The following NFYC variants were observed in gnomAD, a reference collection of about 807,000 sequenced individuals.
NFYC encodes the protein CAAT box DNA-binding protein subunit C.
Under a neutral mutation model 53.1 loss-of-function variants are expected in NFYC, and 25 were observed. The ratio of observed to expected loss-of-function variants is 0.47; its 90% CI spans 0.34 to 0.66. The LOEUF is 0.66. Ranked by LOEUF, NFYC falls within the 30% of genes least tolerant of loss-of-function variation. The probability of loss-of-function intolerance (pLI) is 0.01; values close to 1 mark genes in which losing one functional copy is unlikely to be tolerated. For missense variants in NFYC, 260 were observed against 422.7 expected, an observed-to-expected ratio of 0.62 and a Z score of 3.38; for synonymous variants, 145 against 152.6, an observed-to-expected ratio of 0.95 and a Z score of 0.37.
At chr1:40,750,725 GAAAAT>G (rs1444262824) in intron 4 of NFYC, among the ~76,000 whole-genome samples, 1 of 152,054 alleles carries the variant, frequency 6.6e-6, no homozygotes, top group Non-Finnish European at 1.5e-5. Context: ...ATTCAGATTA[GAAAAT>G]AAAATAGGCA....
At position 40,727,602 on chromosome 1, in the gene NFYC, C is replaced by T. The variant is rs187160614; in HGVS notation, c.-8-11234C>T. ...CTGGAGTGCAGTGGCACGATTTCGGCTCACTGCAACCTCCGCCTCCCAGAT... is the reference window on the plus strand; with the variant it reads ...CTGGAGTGCAGTGGCACGATTTCGGTTCACTGCAACCTCCGCCTCCCAGAT... On this transcript the variant is annotated intron_variant, in intron 1 of 9. Coordinates refer to ENST00000447388, the MANE Select transcript of NFYC (RefSeq NM_014223.5). Among the ~76,000 whole-genome samples the T allele has an allele frequency of 9.0e-3, 1,344 of 150,112 alleles. 9 individuals are homozygous for T. Among genetic ancestry groups the T allele is most frequent in the Middle Eastern group, 0.035 (10 of 282 alleles).
intron 1 of NFYC, among the ~76,000 whole-genome samples, chr1:40,706,868 G>A (rs957356717): frequency 3.9e-5 from 6 of 152,036 alleles, no homozygotes; most frequent in Non-Finnish European, 5.9e-5. Context: ...GCTCTGCTGT[G>A]CTTATTCTTA....
intron 1 of NFYC, among the ~76,000 whole-genome samples, chr1:40,726,825 G>T (rs2361648): frequency 0.22 from 32,763 of 152,190 alleles, 4,159 homozygotes; most frequent in South Asian, 0.41. Flanking sequence ...ATTTTACCCA[G>T]AGTAGAGCTT....
In NFYC at chr1:40,770,263, C is replaced by A; in HGVS notation, c.889-446C>A. 1.1e-6 allele frequency: 1 copy of A among 886,936 alleles called. No homozygotes were observed. The highest frequency in any genetic ancestry group is 1.7e-6 in the Non-Finnish European group (1 of 594,298). The allele number at this position is 886,936 out of a possible 1,614,324, so 54.9% of individuals were successfully genotyped here. On this transcript the variant is annotated intron_variant, in intron 9 of 9. Transcript: ENST00000447388. This position sits in a 1 kb window ranked among gnomAD's most constrained non-coding sequence, Gnocchi z 5.3. ...AAATTCAGTTTAGTTTCAACCTGAGCCAGATATTCTGAGAAAAGAAGGAGA... is the reference window on the plus strand; with the variant it reads ...AAATTCAGTTTAGTTTCAACCTGAGACAGATATTCTGAGAAAAGAAGGAGA...
intron 5 of NFYC, chr1:40,754,504 C>T (rs12403977): frequency 2.0e-6 from 1 of 501,390 alleles, no homozygotes; most frequent in Non-Finnish European, 4.1e-6. Context: ...CCCACAGGCT[C>T]AATTCCTCCT....
chr1:40,710,018 A>C (rs142217853), intron 1 of NFYC, among the ~76,000 whole-genome samples: 15 of 152,310 alleles, frequency 9.8e-5, no homozygotes, highest in African/African-American at 3.6e-4. Flanking sequence ...TCAGATATGG[A>C]AGCAACACTG....
chr1:40,739,920 T>G (rs964957850), intron 2 of NFYC, among the ~76,000 whole-genome samples: 1 of 152,172 alleles, frequency 6.6e-6, no homozygotes, highest in Non-Finnish European at 1.5e-5. Flanking sequence ...AGAGAGGACC[T>G]TGTAGTTAGG....
chr1:40,699,053 A>G (rs1283917214), intron 1 of NFYC, among the ~76,000 whole-genome samples: 1 of 151,818 alleles, frequency 6.6e-6, no homozygotes, highest in Non-Finnish European at 1.5e-5. Context: ...AACCCCAGCT[A>G]CTCGGGAGGC....
chr1:40,742,406 C>G (rs1400456449), intron 2 of NFYC, among the ~76,000 whole-genome samples: 3 of 152,156 alleles, frequency 2.0e-5, no homozygotes, highest in Non-Finnish European at 2.9e-5. Flanking sequence ...ACTTGGTTTA[C>G]AAGTTTGATT....
chr1:40,737,862 G>A (rs1645124167), intron 1 of NFYC, among the ~76,000 whole-genome samples: 1 of 151,310 alleles, frequency 6.6e-6, no homozygotes, highest in Non-Finnish European at 1.5e-5. Flanking sequence ...CAGGATCACA[G>A]TGTCTAAAAC....
chr1:40,727,210 T>TG (rs200430173), intron 1 of NFYC, among the ~76,000 whole-genome samples: 3,089 of 152,224 alleles, frequency 0.02, 43 homozygotes, highest in Middle Eastern at 0.031. Context: ...TTTGTTTGTT[T>TG]GTTTGGTTGG....
intron 2 of NFYC, 72 bp from the exon 3 acceptor site, chr1:40,747,462 C>T (rs1645674266): frequency 1.9e-6 from 2 of 1,033,128 alleles, no homozygotes; most frequent in Admixed American, 3.5e-5. Flanking sequence ...AGAGTGTTTC[C>T]TACTGCCTGT....
At chr1:40,763,097 T>TA in intron 7 of NFYC, 51 bp downstream of exon 7, 1 of 1,430,862 alleles carries the variant, frequency 7.0e-7, no homozygotes, top group Non-Finnish European at 9.3e-7. Flanking sequence ...AGGAAATACT[T>TA]AAAGATATAT....
intron 5 of NFYC, among the ~76,000 whole-genome samples, chr1:40,756,117 A>G (rs1570672248): frequency 6.6e-6 from 1 of 152,318 alleles, no homozygotes; most frequent in East Asian, 1.9e-4. Context: ...TTTTTGTAAA[A>G]TAATAAGGGA....
chr1:40,766,950 A>G, intron 8 of NFYC: 1 of 1,552,182 alleles, frequency 6.4e-7, no homozygotes, highest in Non-Finnish European at 8.7e-7. Context: ...GGAAGCCTCG[A>G]AGGTGCCTGA....
rs537361665 is a variant in NFYC at position 40,749,372 on chromosome 1, G to A, written c.178-201G>A. 2.6e-5 allele frequency among the ~76,000 whole-genome samples: 4 copies of A among 152,268 alleles called. 1 individual carries two copies. The South Asian group carries it at 8.3e-4, about 32-fold the overall frequency. On this transcript the variant is annotated intron_variant, in intron 3 of 9. Coordinates refer to ENST00000447388, the MANE Select transcript of NFYC (RefSeq NM_014223.5). ...CACCTTGCACAAGGTTTGGCGCATG[G>A]TATGTGCTAGATAAGTATTCTTTCT...
At chr1:40,696,582 G>C (rs1643160020) in intron 1 of NFYC, among the ~76,000 whole-genome samples, 2 of 152,184 alleles carry the variant, frequency 1.3e-5, no homozygotes, top group African/African-American at 4.8e-5. Flanking sequence ...CATTCCACTG[G>C]ATAGCATTGC....
chr1:40,758,367 G>GAC, intron 6 of NFYC, 73 bp downstream of exon 6: 2 of 1,434,986 alleles, frequency 1.4e-6, no homozygotes, highest in Non-Finnish European at 1.9e-6. Context: ...AGAGCTTGAT[G>GAC]AGGGCAGAGA....
intron 1 of NFYC, among the ~76,000 whole-genome samples, chr1:40,701,728 T>C (rs1035468148): frequency 6.6e-6 from 1 of 152,238 alleles, no homozygotes; most frequent in Non-Finnish European, 1.5e-5. Flanking sequence ...GGACAGGAAC[T>C]GTGTCTTGTT....
Sources: gnomAD v4.1 joint callset for allele counts (sites outside exome capture counted in the v4.1 genomes callset) on GRCh38, gnomAD v4.1.1 for gene constraint, Gnocchi (gnomAD v3.1) non-coding constraint, MANE v1.5 for transcripts, NCBI Gene and HGNC (gene_info 2026-07-23, HGNC 2026-07-21) for gene names.